EPN2: variants seen among roughly 807,000 people sequenced by gnomAD.
EPN2 encodes the protein epsin 2.
In EPN2, 34 loss-of-function variants were observed where a neutral mutation model predicts 61.7. The ratio of observed to expected loss-of-function variants is 0.55; its 90% CI spans 0.42 to 0.73. EPN2 has a LOEUF of 0.73. Ranked by LOEUF, EPN2 falls within the 30% of genes least tolerant of loss-of-function variation. EPN2 has a pLI of 0.00. For synonymous variants in EPN2, 349 were observed against 353.6 expected (o/e 0.99, Z 0.15); for missense variants, 714 against 839.2 (o/e 0.85, Z 1.84).
chr17:19,244,455 C>CT (rs1186659159), intron 1 of EPN2, among the ~76,000 whole-genome samples: 3 of 145,554 alleles, frequency 2.1e-5, no homozygotes, highest in African/African-American at 7.7e-5. Context: ...TGTGACTCTT[C>CT]TCAAAAAAAA....
intron 4 of EPN2, among the ~76,000 whole-genome samples, chr17:19,294,434 A>G (rs1401163016): frequency 6.6e-5 from 10 of 152,158 alleles, no homozygotes; most frequent in Admixed American, 6.5e-4. Flanking sequence ...GAAAAAAAAT[A>G]TTGGGGATTG....
rs2152242891 is a variant in EPN2 at position 19,335,354 on chromosome 17, A to T, written c.*1100A>T. 6.5e-7 allele frequency: 1 copy of T among 1,529,896 alleles called. No individual in the cohort carries two copies. The allele number at this position is 1,529,896 out of a possible 1,614,324, so 94.8% of individuals were successfully genotyped here. ...AAAGTTAAAGAAAAAAATCTAATGTATGAATGTGACTCACCAATTTTTATC... is the reference window on the plus strand; with the variant it reads ...AAAGTTAAAGAAAAAAATCTAATGTTTGAATGTGACTCACCAATTTTTATC... On this transcript the variant is annotated 3_prime_UTR_variant, in exon 11 of 11. Transcript: ENST00000314728.
At chr17:19,324,942 A>G (rs1906801300) in intron 7 of EPN2, among the ~76,000 whole-genome samples, 1 of 152,232 alleles carries the variant, frequency 6.6e-6, no homozygotes, top group Non-Finnish European at 1.5e-5. Flanking sequence ...CGGCACACTC[A>G]GGATTTCATG....
At chr17:19,282,235 G>A (rs548407413) in intron 2 of EPN2, 158 bp downstream of exon 2, 80 of 152,312 alleles carry the variant, frequency 5.3e-4, no homozygotes, top group African/African-American at 1.9e-3. Flanking sequence ...CCAGATGCTG[G>A]AGGCTTCTGA....
At chr17:19,298,296 G>A (rs2045540792) in intron 4 of EPN2, among the ~76,000 whole-genome samples, 1 of 152,202 alleles carries the variant, frequency 6.6e-6, no homozygotes, top group Non-Finnish European at 1.5e-5. Context: ...CCAGGTTCAA[G>A]TGATTCTCCT....
Position 19,334,015 on chromosome 17 carries a change from A to T in EPN2, c.1687A>T (p.Thr563Ser). 1 of 1,595,308 alleles carries T rather than the reference A, an allele frequency of 6.3e-7. No individual in the cohort carries two copies. Among genetic ancestry groups the T allele is most frequent in the Non-Finnish European group, 8.6e-7 (1 of 1,168,010 alleles). ...CCAGGTGAACCAGCCCCAGCCGCTGACACTGAACCAGCTTCGGGGGAGCCC... is the reference window on the plus strand; with the variant it reads ...CCAGGTGAACCAGCCCCAGCCGCTGTCACTGAACCAGCTTCGGGGGAGCCC... ...PFQVNQPQPLTLNQLRGSPVL... is the reference protein window; with the variant it reads ...PFQVNQPQPLSLNQLRGSPVL... Residue 563 changes from threonine to serine, a missense_variant, in exon 11 of 11, where the codon ACA becomes TCA. Transcript: ENST00000314728. The surrounding 1 kb of genome is among the most constrained non-coding windows in gnomAD (Gnocchi z 4.9).
chr17:19,333,529 CAT>C (rs1408057877), intron 10 of EPN2, among the ~76,000 whole-genome samples: 2 of 152,156 alleles, frequency 1.3e-5, no homozygotes, highest in Admixed American at 6.5e-5. Context: ...TTCGCGGTGT[CAT>C]ATGTGGATCC....
At chr17:19,290,305 T>C (rs1201686884) in intron 4 of EPN2, among the ~76,000 whole-genome samples, 3 of 152,192 alleles carry the variant, frequency 2.0e-5, no homozygotes, top group Non-Finnish European at 4.4e-5. Flanking sequence ...CCCCCCGGGC[T>C]CTTTCCACCA....
At chr17:19,258,225 G>A (rs1207847719) in intron 1 of EPN2, among the ~76,000 whole-genome samples, 1 of 152,136 alleles carries the variant, frequency 6.6e-6, no homozygotes. Context: ...TTCAGTGCTG[G>A]ACAATGGGAC....
intron 4 of EPN2, among the ~76,000 whole-genome samples, chr17:19,302,322 C>T (rs984396837): frequency 6.6e-6 from 1 of 152,244 alleles, no homozygotes; most frequent in Non-Finnish European, 1.5e-5. Context: ...AAAACAGGCA[C>T]TGAGAAGGTA....
chr17:19,313,359 C>T, intron 7 of EPN2, 80 bp downstream of exon 7: 4 of 1,367,586 alleles, frequency 2.9e-6, no homozygotes, highest in Non-Finnish European at 3.9e-6. Flanking sequence ...CTGTCTCTCA[C>T]CCACTTGGGT....
chr17:19,253,618 C>T lies in EPN2; in HGVS notation c.-294+16087C>T, dbSNP rs963113256. ...GTTTCAGTGTTGCCCAGGCTGGTCT[C>T]GAACTTCTAGGTTCAGGTGATCCGC... On this transcript the variant is annotated intron_variant, in intron 1 of 10. Transcript: ENST00000314728. Among the ~76,000 whole-genome samples, 10 of 151,962 alleles carry T rather than the reference C, an allele frequency of 6.6e-5. No individual in the cohort carries two copies. In the South Asian group the frequency reaches 1.5e-3, roughly 22 times the overall value.
Position 19,312,129 on chromosome 17 carries a change from T to C in EPN2, c.957T>C (p.Ile319=). 2 of 1,613,634 alleles carry C rather than the reference T, an allele frequency of 1.2e-6. No individual in the cohort carries two copies. The highest frequency in any genetic ancestry group is 1.7e-6 in the Non-Finnish European group (2 of 1,179,600). Reference sequence around the variant, plus strand: ...AAAGCCGAAGGGACACAGTTAAAATTCCAAAAAAGAAAGAGGTAAGAGCTT... The same window carrying C: ...AAAGCCGAAGGGACACAGTTAAAATCCCAAAAAAGAAAGAGGTAAGAGCTT... The part of the protein sequence containing the change: ...LEESRRDTVK[I]PKKKEHGSLP... Residue 319 remains isoleucine (I), a synonymous_variant, in exon 6 of 11, where the codon ATT becomes ATC. Coordinates refer to ENST00000314728, the MANE Select transcript of EPN2 (RefSeq NM_014964.5).
At chr17:19,264,796 G>A (rs6421429) in intron 1 of EPN2, among the ~76,000 whole-genome samples, 5,094 of 152,202 alleles carry the variant, frequency 0.033, 344 homozygotes, top group South Asian at 0.19. Context: ...CAGCAGATGT[G>A]TGCCAGGCAC....
chr17:19,311,795 C>G (rs944240415), intron 5 of EPN2, among the ~76,000 whole-genome samples: 3 of 152,206 alleles, frequency 2.0e-5, no homozygotes, highest in Admixed American at 2.0e-4. Context: ...TCCCTTTCCC[C>G]AGTTTGGTGG....
rs1176868389 is a variant in EPN2, at chr17:19,283,192, C to G, written c.73C>G (p.Arg25Gly). 1 of 1,614,140 alleles carries G rather than the reference C, an allele frequency of 6.2e-7. No homozygotes were observed. The highest frequency in any genetic ancestry group is 8.5e-7 in the Non-Finnish European group (1 of 1,180,008). ...TTACTCAGAGGCAGAAATCAAAGTC[C>G]GGGAAGCCACCTCCAATGACCCGTG... ...NNYSEAEIKV[R>G]EATSNDPWGP... is the part of the protein sequence containing the mutation. The change falls in exon 3 of 11, where the codon CGG (arginine) becomes GGG (glycine). Residue 25 changes from arginine to glycine, a missense_variant. By Grantham distance (125) the Arg-to-Gly change is moderately radical (BLOSUM62 -2). Coordinates refer to ENST00000314728, the MANE Select transcript of EPN2 (RefSeq NM_014964.5). The surrounding 1 kb of genome is among the most constrained non-coding windows in gnomAD (Gnocchi z 7.0).
Position 19,313,270 on chromosome 17 carries a change from C to A in EPN2, c.1138C>A (p.Pro380Thr). The A allele has an allele frequency of 6.5e-7, 1 of 1,541,120 alleles. No individual in the cohort carries two copies. The highest frequency in any genetic ancestry group is 1.2e-5 in the South Asian group (1 of 80,004). The change falls in exon 7 of 11, where the codon CCA (proline) becomes ACA (threonine). Residue 380 changes from proline to threonine, a missense_variant. By Grantham distance (38) the Pro-to-Thr change is conservative. Coordinates refer to ENST00000314728, the MANE Select transcript of EPN2 (RefSeq NM_014964.5). ...AAPASTSDPW[P>T]SFGTKPAASI... ...TCCTGCGAGTACTTCAGACCCCTGGCCATCGTTTGGTAAAGACCCCATTAC... is the reference window on the plus strand; with the variant it reads ...TCCTGCGAGTACTTCAGACCCCTGGACATCGTTTGGTAAAGACCCCATTAC...
chr17:19,240,813 C>T (rs531877708), intron 1 of EPN2, among the ~76,000 whole-genome samples: 19 of 152,244 alleles, frequency 1.2e-4, no homozygotes, highest in Admixed American at 1.2e-3. Context: ...CAGTGGTCAG[C>T]TTGTCTTTAC....
intron 7 of EPN2, among the ~76,000 whole-genome samples, chr17:19,317,113 T>C (rs1906420423): frequency 6.6e-6 from 1 of 152,188 alleles, no homozygotes; most frequent in Admixed American, 6.5e-5. Flanking sequence ...CCCCTAACAG[T>C]GTTAGCTGTG....
Sources: allele counts gnomAD v4.1 joint callset (sites outside exome capture counted in the v4.1 genomes callset), GRCh38; gene constraint gnomAD v4.1.1; non-coding constraint Gnocchi (gnomAD v3.1); transcripts MANE v1.5; gene names NCBI Gene and HGNC (gene_info 2026-07-23, HGNC 2026-07-21).